Variants in NOMO3 observed in about 807,000 individuals in gnomAD.
NOMO3 encodes the protein NODAL modulator 3, also known as BOS complex subunit NOMO3.
A neutral mutation model predicts 69.9 loss-of-function variants in NOMO3; 15 were observed. That is an observed-to-expected ratio of 0.21 (90% CI 0.14 to 0.33). The LOEUF (loss-of-function observed/expected upper bound fraction) is 0.33. Among genes scored for constraint, NOMO3 ranks in the 10% least tolerant of loss-of-function variants. The pLI, the probability that NOMO3 is intolerant of heterozygous loss-of-function variation, is 1.00. For synonymous variants in NOMO3, 89 were observed against 301.9 expected, an observed-to-expected ratio of 0.29 and a Z score of 7.31; for missense variants, 218 against 761.0, an observed-to-expected ratio of 0.29 and a Z score of 8.39.
In NOMO3 at chr16:16,263,131, C is replaced by T. The variant is rs1415908325; in HGVS notation, c.1453C>T (p.Pro485Ser). ...AGLTLKPQTF[P>S]LTVTDRPVMD... ...GCTGACGTTGAAACCCCAGACATTT[C>T]CTCTTACTGTGACCGACAGGCCTGT... Residue 485 changes from proline (P) to serine (S), a missense_variant, in exon 13 of 31, where the codon CCT (proline) becomes TCT (serine). Physicochemically the swap from Pro to Ser is moderately conservative, Grantham distance 74 (BLOSUM62 -1). Coordinates refer to ENST00000399336, the MANE Select transcript of NOMO3 (RefSeq NM_001004067.4). 2 of 1,591,578 alleles carry T rather than the reference C, an allele frequency of 1.3e-6. 1 individual carries two copies. The highest frequency in any genetic ancestry group is 3.4e-5 in the Admixed American group (2 of 58,944).
chr16:16,237,095 G>A, intron 2 of NOMO3, 105 bp downstream of exon 2: 2 of 1,521,994 alleles, frequency 1.3e-6, no homozygotes, highest in Admixed American at 3.5e-5. Flanking sequence ...CATCTGTTTT[G>A]TAAATTATTA....
intron 1 of NOMO3, among the ~76,000 whole-genome samples, chr16:16,234,554 A>T (rs1045481827): frequency 2.2e-5 from 3 of 138,738 alleles, no homozygotes; most frequent in African/African-American, 9.0e-5. Context: ...ACTTTATGAA[A>T]GATGTAGAAA....
chr16:16,240,422 G>T (rs1303228654), intron 3 of NOMO3, among the ~76,000 whole-genome samples: 1 of 144,982 alleles, frequency 6.9e-6, no homozygotes, highest in Admixed American at 6.8e-5. Flanking sequence ...GTCGAGCAAG[G>T]GTAGTTATAG....
intron 2 of NOMO3, among the ~76,000 whole-genome samples, chr16:16,238,231 T>A (rs1264114493): frequency 7.3e-6 from 1 of 137,622 alleles, no homozygotes; most frequent in Non-Finnish European, 1.5e-5. Context: ...ATAGATCTAC[T>A]GACTTTTTTT....
chr16:16,232,798 G>A lies in NOMO3; in HGVS notation c.132G>A (p.Lys44=), dbSNP rs575400095. The A allele has an allele frequency of 2.6e-5, 14 of 542,582 alleles. No homozygotes were observed. Among genetic ancestry groups the A allele is most frequent in the Admixed American group, 6.0e-5 (1 of 16,708 alleles). 33.6% of individuals were successfully genotyped at this position (542,582 alleles called of 1,614,324 possible). A position where few individuals can be genotyped will look rare whatever the true frequency, so the allele number is the denominator to read the frequency against. Residue 44 remains lysine (K), a synonymous_variant, in exon 1 of 31, where the codon AAG becomes AAA. Transcript: ENST00000399336. ...DIVVGCGGFV[K]SDVEINYSLI... Reference sequence around the variant, plus strand: ...TGGTGGGCTGCGGTGGCTTCGTCAAGTCGGACGTGGAGATCAACTACTCTC... The same window carrying A: ...TGGTGGGCTGCGGTGGCTTCGTCAAATCGGACGTGGAGATCAACTACTCTC...
chr16:16,236,479 C>T (rs1449864689), intron 1 of NOMO3, among the ~76,000 whole-genome samples: 1 of 143,714 alleles, frequency 7.0e-6, no homozygotes, highest in African/African-American at 2.8e-5. Flanking sequence ...AATTCCTGAC[C>T]TTAAGTGATC....
intron 11 of NOMO3, among the ~76,000 whole-genome samples, chr16:16,258,490 G>A (rs1362091607): frequency 2.2e-5 from 3 of 138,262 alleles, no homozygotes; most frequent in Non-Finnish European, 4.5e-5. Flanking sequence ...GGAGGTGGGT[G>A]AGGTCAGGGA....
Position 16,239,063 on chromosome 16 carries a change from G to C in NOMO3, c.256-788G>C, listed in dbSNP as rs1325512097. Among the ~76,000 whole-genome samples, 159 of 140,024 alleles carry C rather than the reference G, an allele frequency of 1.1e-3. 12 individuals are homozygous for C. The highest frequency in any genetic ancestry group is 3.2e-4 in the Non-Finnish European group (21 of 66,660). The allele number at this position is 140,024 out of a possible 152,430, so 91.9% of individuals were successfully genotyped here. On this transcript the variant is annotated intron_variant, in intron 2 of 30. Coordinates refer to ENST00000399336, the MANE Select transcript of NOMO3 (RefSeq NM_001004067.4). ...ACTTCACTCCAGCCTGGGCAACAGA[G>C]CGAGGCTCCATCTCAAAAAAAAAAA...
At chr16:16,258,310 C>G (rs1268594717) in intron 11 of NOMO3, among the ~76,000 whole-genome samples, 1 of 133,388 alleles carries the variant, frequency 7.5e-6, no homozygotes, top group Non-Finnish European at 1.5e-5. Flanking sequence ...GATCAGGGTG[C>G]TGCAAGAAGA....
chr16:16,236,246 A>T (rs1403687013), intron 1 of NOMO3, among the ~76,000 whole-genome samples: 1 of 145,168 alleles, frequency 6.9e-6, no homozygotes, highest in Non-Finnish European at 1.5e-5. Context: ...ATTTTACTTT[A>T]TTTTATTATT....
rs552596566 is a variant in NOMO3, at chr16:16,259,052, C to T, written c.1221-2450C>T. ...AGATATGGTAGTGGCTGGGCCCAGG[C>T]GGCTGGCAGGCGAGGGAGCGAGGAG... On this transcript the variant is annotated intron_variant, in intron 11 of 30. Transcript: ENST00000399336. Among the ~76,000 whole-genome samples the T allele has an allele frequency of 2.7e-4, 39 of 142,304 alleles. 1 individual carries two copies. Among genetic ancestry groups the T allele is most frequent in the Admixed American group, 2.2e-3 (32 of 14,700 alleles). The allele number at this position is 142,304 out of a possible 152,430, so 93.4% of individuals were successfully genotyped here.
In NOMO3 at chr16:16,252,828, ATTTTTT is replaced by A. The variant is rs1180588275; in HGVS notation, c.963+324_963+329del. Among the ~76,000 whole-genome samples the A allele has an allele frequency of 9.0e-5, 6 of 66,676 alleles. 1 individual carries two copies. The highest frequency in any genetic ancestry group is 3.9e-4 in the African/African-American group (5 of 12,948). 43.7% of individuals were successfully genotyped at this position (66,676 alleles called of 152,430 possible). ...AAAAATTCTTGTCCCTGTGGACCTCATTTTTTTTTTTTTTTTTTTTTTTAAGACAGG... is the reference window on the plus strand; with the variant it reads ...AAAAATTCTTGTCCCTGTGGACCTCATTTTTTTTTTTTTTTTTAAGACAGG... On this transcript the variant is annotated intron_variant, in intron 9 of 30. Transcript: ENST00000399336.
chr16:16,234,955 C>A (rs1018502659), intron 1 of NOMO3, among the ~76,000 whole-genome samples: 8 of 152,108 alleles, frequency 5.3e-5, no homozygotes, highest in Non-Finnish European at 1.0e-4. Flanking sequence ...TTGTAGTGAT[C>A]TGAATCCTTT....
At chr16:16,249,968 A>G (rs2049449456) in intron 6 of NOMO3, among the ~76,000 whole-genome samples, 1 of 140,036 alleles carries the variant, frequency 7.1e-6, no homozygotes, top group African/African-American at 3.0e-5. Context: ...AATTAAACAG[A>G]GTTTAATTGA....
chr16:16,274,217 G>T, intron 20 of NOMO3, 142 bp downstream of exon 20: 1 of 1,033,372 alleles, frequency 9.7e-7, no homozygotes, highest in East Asian at 3.1e-5. Flanking sequence ...AGATGTTACT[G>T]TTGGTTGGAT....
intron 15 of NOMO3, 122 bp downstream of exon 15, chr16:16,265,301 A>G (rs1216221736): frequency 6.4e-7 from 1 of 1,570,510 alleles, no homozygotes; most frequent in Admixed American, 1.7e-5. Flanking sequence ...CTGCCTCTGC[A>G]CTCACCCACC....
rs986240441 is a variant in NOMO3 at position 16,255,622 on chromosome 16, G to A, written c.964-98G>A. ...CTGAGTGTTGGGAGGTGGGCGGCAG[G>A]AGCAGACATGGTAGGTGGTGGCCGG... On this transcript the variant is annotated intron_variant, in intron 9 of 30. Transcript: ENST00000399336. 7 of 678,874 alleles carry A rather than the reference G, an allele frequency of 1.0e-5. No individual in the cohort carries two copies. In the Admixed American group the frequency reaches 1.3e-4, roughly 13 times the overall value. The allele number at this position is 678,874 out of a possible 1,614,324, so 42.1% of individuals were successfully genotyped here.
At position 16,255,735 on chromosome 16, in the gene NOMO3, A is replaced by G. The variant is rs1233332952; in HGVS notation, c.979A>G (p.Met327Val). The stretch of plus-strand genomic sequence containing the variant: ...TGTTTTCTAGCCCGTGTTCCACGTC[A>G]TGGGATTCTCCGTCACCGGGAGGGT... ...SLKIEPVFHVMGFSVTGRVLN... is the reference protein window; with the variant it reads ...SLKIEPVFHVVGFSVTGRVLN... The change falls in exon 10 of 31, where the codon ATG (methionine) becomes GTG (valine). Residue 327 changes from methionine (M) to valine (V), a missense_variant. Transcript: ENST00000399336. 4.4e-6 allele frequency: 7 copies of G among 1,590,610 alleles called. No individual in the cohort carries two copies. The highest frequency in any genetic ancestry group is 1.1e-5 in the South Asian group (1 of 89,320).
intron 20 of NOMO3, among the ~76,000 whole-genome samples, chr16:16,274,302 A>ATGGATGG (rs1567568577): frequency 3.1e-5 from 1 of 32,392 alleles, no homozygotes; most frequent in Non-Finnish European, 8.5e-5. Flanking sequence ...TGGATGGATG[A>ATGGATGG]ATGAATGATT....
Sources: gnomAD v4.1 joint callset for allele counts (sites outside exome capture counted in the v4.1 genomes callset) on GRCh38, gnomAD v4.1.1 for gene constraint, MANE v1.5 for transcripts, NCBI Gene and HGNC (gene_info 2026-07-23, HGNC 2026-07-21) for gene names.